PDGFB: variants seen among roughly 807,000 people sequenced by gnomAD.
PDGFB encodes platelet derived growth factor subunit B, also known as platelet-derived growth factor subunit B.
PDGFB carries 6 observed loss-of-function variants against 29.0 expected under a neutral mutation model. That is an observed-to-expected ratio of 0.21 (90% CI 0.11 to 0.41). The LOEUF is 0.41. PDGFB is among the 10% of genes least tolerant of loss of function. The probability of loss-of-function intolerance (pLI) is 1.00; values close to 1 mark genes in which losing one functional copy is unlikely to be tolerated. For missense variants in PDGFB, 299 were observed against 341.8 expected, an observed-to-expected ratio of 0.87 and a Z score of 0.99; for synonymous variants, 144 against 140.8, an observed-to-expected ratio of 1.02 and a Z score of -0.16.
chr22:39,226,908 C>T (rs1932180540), intron 5 of PDGFB, among the ~76,000 whole-genome samples: 1 of 152,222 alleles, frequency 6.6e-6, no homozygotes, highest in African/African-American at 2.4e-5. Context: ...TCCCACGTAT[C>T]GTGGACATTG....
Position 39,230,239 on chromosome 22 carries a change from G to A in PDGFB, c.457-11C>T. Reference sequence around the variant, plus strand: ...CTCGATCTTTCTCACCTGGAGGACAGAGCCACAAAATGCCTCTGTAGAGAC... The same window carrying A: ...CTCGATCTTTCTCACCTGGAGGACAAAGCCACAAAATGCCTCTGTAGAGAC... On this transcript the variant is annotated splice_polypyrimidine_tract_variant and intron_variant, in intron 4 of 6. Transcript: ENST00000331163. 1 of 1,613,374 alleles carries A rather than the reference G, an allele frequency of 6.2e-7. No homozygotes were observed. Among genetic ancestry groups the A allele is most frequent in the Non-Finnish European group, 8.5e-7 (1 of 1,180,012 alleles).
intron 1 of PDGFB, among the ~76,000 whole-genome samples, chr22:39,236,942 C>G (rs1036202075): frequency 3.3e-5 from 5 of 152,122 alleles, no homozygotes; most frequent in Non-Finnish European, 7.4e-5. Flanking sequence ...AGGCTTGGCA[C>G]ATTACTATAG....
At position 39,231,368 on chromosome 22, in the gene PDGFB, C is replaced by CG. The variant is rs34006421; in HGVS notation, c.456+253dup. ...CGTTGGCTCCACACCTCGCCCAGCC[C>CG]GGGGGGTCTGTCTGTGGCTTTTGGC... is the stretch of plus-strand genomic sequence containing the variant. On this transcript the variant is annotated intron_variant, in intron 4 of 6. Coordinates refer to ENST00000331163, the MANE Select transcript of PDGFB (RefSeq NM_002608.4). The surrounding 1 kb of genome is among the most constrained non-coding windows in gnomAD (Gnocchi z 4.3). Among the ~76,000 whole-genome samples, 6 of 152,188 alleles carry CG rather than the reference C, an allele frequency of 3.9e-5. No homozygotes were observed. In the South Asian group the frequency reaches 6.2e-4, roughly 16 times the overall value.
rs1168794987 is a variant in PDGFB, at chr22:39,242,687, G to A, written c.63+1214C>T. ...ACAACCTGCGCTGGCGGCAGCCCAA[G>A]GCCGGGCCGCGGCCTCCGAGCCCTC... is the stretch of plus-strand genomic sequence containing the variant. On this transcript the variant is annotated intron_variant, in intron 1 of 6. Transcript: ENST00000331163. This position sits in a 1 kb window ranked among gnomAD's most constrained non-coding sequence, Gnocchi z 5.7. Among the ~76,000 whole-genome samples the A allele has an allele frequency of 1.3e-5, 2 of 151,918 alleles. No homozygotes were observed. Among genetic ancestry groups the A allele is most frequent in the Non-Finnish European group, 2.9e-5 (2 of 67,914 alleles).
intron 2 of PDGFB, among the ~76,000 whole-genome samples, chr22:39,235,568 G>T (rs1447292430): frequency 2.0e-5 from 3 of 152,212 alleles, no homozygotes; most frequent in Non-Finnish European, 4.4e-5. Context: ...CCACACGTGG[G>T]TGCTTCTCCT....
chr22:39,237,549 T>C (rs1461353483), intron 1 of PDGFB, among the ~76,000 whole-genome samples: 1 of 152,210 alleles, frequency 6.6e-6, no homozygotes, highest in Non-Finnish European at 1.5e-5. Context: ...CCCCATCTCC[T>C]CCGGGCTCTG....
chr22:39,240,898 C>T (rs1373835901), intron 1 of PDGFB: 7 of 1,422,750 alleles, frequency 4.9e-6, no homozygotes, highest in Non-Finnish European at 1.9e-6. Context: ...CAGTCAGTCT[C>T]TCTCTCTCTC....
chr22:39,230,457 C>A lies in PDGFB; in HGVS notation c.457-229G>T, dbSNP rs529168063. Among the ~76,000 whole-genome samples, 3 of 152,358 alleles carry A rather than the reference C, an allele frequency of 2.0e-5. No homozygotes were observed. The East Asian group carries it at 5.8e-4, about 29-fold the overall frequency. On this transcript the variant is annotated intron_variant, in intron 4 of 6. Transcript: ENST00000331163. ...ACAAGCCCTCCCGACCTGGGGCCCCCCTCAGTGCCCCCAGAGAGGGACAGC... is the reference window on the plus strand; with the variant it reads ...ACAAGCCCTCCCGACCTGGGGCCCCACTCAGTGCCCCCAGAGAGGGACAGC...
chr22:39,230,383 A>G (rs1233482314), intron 4 of PDGFB, among the ~76,000 whole-genome samples, 155 bp from the exon 5 acceptor site: 1 of 152,242 alleles, frequency 6.6e-6, no homozygotes, highest in Non-Finnish European at 1.5e-5. Flanking sequence ...TTTGGCCCAA[A>G]CAATAGCAGG....
rs1478404215 is a variant in PDGFB, at chr22:39,243,625, G to A, written c.63+276C>T. On this transcript the variant is annotated intron_variant, in intron 1 of 6. Coordinates refer to ENST00000331163, the MANE Select transcript of PDGFB (RefSeq NM_002608.4). The surrounding 1 kb of genome is among the most constrained non-coding windows in gnomAD (Gnocchi z 6.4). ...GGGCTTGTTCTCGGGTTCCCAAAGG[G>A]TGGGGGACAGGGCCACACACACCCT... 1.3e-5 allele frequency among the ~76,000 whole-genome samples: 2 copies of A among 152,148 alleles called. No individual in the cohort carries two copies. The highest frequency in any genetic ancestry group is 2.9e-5 in the Non-Finnish European group (2 of 68,004).
In PDGFB at chr22:39,225,878, A is replaced by G. The variant is rs763829904; in HGVS notation, c.602-31T>C. ...CAAGAAAAAGAAAGACCTCGTCAGC[A>G]TGTGGACCATTGGGGAGGTCTCTCC... On this transcript the variant is annotated intron_variant, in intron 5 of 6. Transcript: ENST00000331163. The G allele has an allele frequency of 2.2e-5, 35 of 1,598,540 alleles. No homozygotes were observed. In the African/African-American group the frequency reaches 4.4e-4, roughly 20 times the overall value.
At chr22:39,235,755 C>T (rs750565530) in intron 2 of PDGFB, 23 bp downstream of exon 2, 12 of 1,560,384 alleles carry the variant, frequency 7.7e-6, no homozygotes, top group African/African-American at 2.7e-5. Flanking sequence ...AGGGCCGGAG[C>T]GCGGGGCGAG....
chr22:39,240,920 C>CGT (rs1569139851), intron 1 of PDGFB: 47 of 1,260,086 alleles, frequency 3.7e-5, no homozygotes, highest in African/African-American at 1.9e-4. Context: ...CTCTCAGATG[C>CGT]GCACACACAC....
chr22:39,234,904 CA>C (rs1932403845), intron 2 of PDGFB, among the ~76,000 whole-genome samples: 1 of 152,106 alleles, frequency 6.6e-6, no homozygotes, highest in South Asian at 2.1e-4. Flanking sequence ...TGTGTGTGGC[CA>C]GGGGCGGCCA....
In PDGFB at chr22:39,231,271, G is replaced by A. The variant is rs1231433713; in HGVS notation, c.456+351C>T. Among the ~76,000 whole-genome samples the A allele has an allele frequency of 2.6e-5, 4 of 152,226 alleles. No homozygotes were observed. Among genetic ancestry groups the A allele is most frequent in the African/African-American group, 9.6e-5 (4 of 41,452 alleles). On this transcript the variant is annotated intron_variant, in intron 4 of 6. Coordinates refer to ENST00000331163, the MANE Select transcript of PDGFB (RefSeq NM_002608.4). This position sits in a 1 kb window ranked among gnomAD's most constrained non-coding sequence, Gnocchi z 4.3. ...AAAACATTCTGAGTGTCAGATAAAT[G>A]TTTGCGGATACGGCTCTTCAAGGGA...
Position 39,242,891 on chromosome 22 carries a change from C to A in PDGFB, c.63+1010G>T. On this transcript the variant is annotated intron_variant, in intron 1 of 6. Coordinates refer to ENST00000331163, the MANE Select transcript of PDGFB (RefSeq NM_002608.4). This position sits in a 1 kb window ranked among gnomAD's most constrained non-coding sequence, Gnocchi z 5.7. ...CCCGGCTGCCCTCTCCTCCCCTCCA[C>A]CGCGCGCGTCGTCCTGCCCCGCCCC... The A allele has an allele frequency of 4.3e-6, 1 of 232,974 alleles. No individual in the cohort carries two copies. Among genetic ancestry groups the A allele is most frequent in the Non-Finnish European group, 8.5e-6 (1 of 117,824 alleles). The allele number at this position is 232,974 out of a possible 1,614,324, so 14.4% of individuals were successfully genotyped here. A position where few individuals can be genotyped will look rare whatever the true frequency, so the allele number is the denominator to read the frequency against.
chr22:39,227,129 T>C (rs1932187959), intron 5 of PDGFB, among the ~76,000 whole-genome samples: 1 of 152,176 alleles, frequency 6.6e-6, no homozygotes, highest in Admixed American at 6.5e-5. Context: ...TGGTTAATTT[T>C]TGTATTTTTA....
At chr22:39,239,079 T>A (rs144279047) in intron 1 of PDGFB, among the ~76,000 whole-genome samples, 3 of 152,218 alleles carry the variant, frequency 2.0e-5, no homozygotes, top group African/African-American at 7.2e-5. Flanking sequence ...GGGCTAATAA[T>A]ACCTCGCCCG....
At chr22:39,233,306 T>A in intron 3 of PDGFB, 129 bp downstream of exon 3, 1 of 636,498 alleles carries the variant, frequency 1.6e-6, no homozygotes, top group South Asian at 1.9e-5. Context: ...GTTCGCTCAG[T>A]CCTGAATGTG....
Sources: allele counts gnomAD v4.1 joint callset (sites outside exome capture counted in the v4.1 genomes callset), GRCh38; gene constraint gnomAD v4.1.1; non-coding constraint Gnocchi (gnomAD v3.1); transcripts MANE v1.5; gene names NCBI Gene and HGNC (gene_info 2026-07-23, HGNC 2026-07-21).